The following OSBPL1A variants were observed in gnomAD, a reference collection of about 807,000 sequenced individuals.
OSBPL1A encodes oxysterol binding protein like 1A.
OSBPL1A carries 80 observed loss-of-function variants against 137.1 expected under a neutral mutation model. The observed-to-expected ratio is 0.58, with a 90% CI of 0.49 to 0.70. OSBPL1A has a LOEUF of 0.70. Among genes scored for constraint, OSBPL1A ranks in the 30% least tolerant of loss-of-function variants. OSBPL1A has a pLI of 0.00. For synonymous variants in OSBPL1A, 365 were observed against 389.7 expected (o/e 0.94, Z 0.75); for missense variants, 970 against 1,129.4 (o/e 0.86, Z 2.02).
At chr18:24,230,308 CA>C (rs1055998724) in intron 16 of OSBPL1A, among the ~76,000 whole-genome samples, 1 of 151,796 alleles carries the variant, frequency 6.6e-6, no homozygotes, top group African/African-American at 2.4e-5. Flanking sequence ...TTTGGGATGA[CA>C]AAAAAGTTCT....
chr18:24,354,300 C>T (rs1453104161), intron 4 of OSBPL1A, among the ~76,000 whole-genome samples: 2 of 152,124 alleles, frequency 1.3e-5, no homozygotes, highest in African/African-American at 2.4e-5. Context: ...TACTCCTACC[C>T]CAAGACTAGC....
intron 24 of OSBPL1A, 132 bp from the exon 25 acceptor site, chr18:24,167,577 T>C (rs1567913457): frequency 5.4e-6 from 4 of 735,248 alleles, no homozygotes; most frequent in African/African-American, 3.5e-5. Context: ...TAGCGGAGCA[T>C]GTATAGAAAT....
intron 14 of OSBPL1A, among the ~76,000 whole-genome samples, chr18:24,285,525 C>T (rs1040547690): frequency 6.6e-6 from 1 of 152,056 alleles, no homozygotes; most frequent in Non-Finnish European, 1.5e-5. Flanking sequence ...TATATTTTGC[C>T]TGTTTTTCAA....
intron 14 of OSBPL1A, among the ~76,000 whole-genome samples, chr18:24,283,176 A>C (rs2089994227): frequency 6.7e-6 from 1 of 149,716 alleles, no homozygotes; most frequent in African/African-American, 2.5e-5. Context: ...GAGGCAGGAG[A>C]ATCACTTCAA....
At chr18:24,207,146 C>T (rs1393397592) in intron 17 of OSBPL1A, among the ~76,000 whole-genome samples, 1 of 152,162 alleles carries the variant, frequency 6.6e-6, no homozygotes, top group Non-Finnish European at 1.5e-5. Context: ...TGCAGCGGTG[C>T]GATCTTGGCT....
At chr18:24,295,959 T>C (rs1253522522) in intron 14 of OSBPL1A, among the ~76,000 whole-genome samples, 1 of 152,188 alleles carries the variant, frequency 6.6e-6, no homozygotes, top group Non-Finnish European at 1.5e-5. Context: ...GATTTGTTCT[T>C]TTTTCTTAGT....
chr18:24,390,419 G>A (rs1405398960), intron 1 of OSBPL1A, among the ~76,000 whole-genome samples: 2 of 152,170 alleles, frequency 1.3e-5, no homozygotes, highest in African/African-American at 2.4e-5. Context: ...AAGGATGGGC[G>A]TGGTGGCTCA....
chr18:24,239,243 T>G lies in OSBPL1A; in HGVS notation c.1421A>C (p.Asp474Ala). Residue 474 changes from aspartate (D) to alanine (A), a missense_variant, in exon 16 of 28, where the codon GAC (aspartate) becomes GCC (alanine). Coordinates refer to ENST00000319481, the MANE Select transcript of OSBPL1A (RefSeq NM_080597.4). ...ACCTGACAGCGCATCATAGAACTCG[T>G]CCTCGCTAAGGATGCTGGCGGGTGG... is the stretch of plus-strand genomic sequence containing the variant. ...GSPPASILSEDEFYDALSDSE... is the reference protein window; with the variant it reads ...GSPPASILSEAEFYDALSDSE... 6.2e-7 allele frequency: 1 copy of G among 1,613,980 alleles called. No individual in the cohort carries two copies. The highest frequency in any genetic ancestry group is 2.2e-5 in the East Asian group (1 of 44,876).
At chr18:24,338,029 T>C (rs1258684976) in intron 5 of OSBPL1A, among the ~76,000 whole-genome samples, 3 of 151,868 alleles carry the variant, frequency 2.0e-5, no homozygotes, top group African/African-American at 7.2e-5. Context: ...AAATGTTTAC[T>C]GCAGTATTCT....
At chr18:24,220,353 C>T (rs1599514412) in intron 17 of OSBPL1A, among the ~76,000 whole-genome samples, 1 of 152,224 alleles carries the variant, frequency 6.6e-6, no homozygotes, top group Non-Finnish European at 1.5e-5. Context: ...TTGTGTCCAG[C>T]TTGTGAAAGA....
At chr18:24,355,309 G>A (rs552960762) in intron 4 of OSBPL1A, among the ~76,000 whole-genome samples, 21 of 150,826 alleles carry the variant, frequency 1.4e-4, no homozygotes, top group East Asian at 5.9e-4. Context: ...CTAGACCACC[G>A]TGACCAACAT....
At chr18:24,262,791 C>A (rs1190188522) in intron 15 of OSBPL1A, among the ~76,000 whole-genome samples, 2 of 134,050 alleles carry the variant, frequency 1.5e-5, no homozygotes, top group Non-Finnish European at 3.1e-5. Context: ...CTTCTCTCCA[C>A]CCCCTACCCA....
chr18:24,239,145 C>A (rs1567967625), intron 16 of OSBPL1A, 75 bp downstream of exon 16: 6 of 1,548,178 alleles, frequency 3.9e-6, no homozygotes, highest in Non-Finnish European at 5.2e-6. Context: ...AGGTGGTGGA[C>A]TCAAGGGGAC....
At chr18:24,392,513 T>C (rs978091845) in intron 1 of OSBPL1A, among the ~76,000 whole-genome samples, 3 of 152,192 alleles carry the variant, frequency 2.0e-5, no homozygotes, top group South Asian at 2.1e-4. Context: ...AAAATATATG[T>C]TGCGATTAGT....
chr18:24,338,067 TTC>T (rs1297760310), intron 5 of OSBPL1A, among the ~76,000 whole-genome samples: 1 of 140,834 alleles, frequency 7.1e-6, no homozygotes, highest in Non-Finnish European at 1.5e-5. Flanking sequence ...TTAGAAATTT[TTC>T]TTTTTCTTTC....
intron 20 of OSBPL1A, 46 bp from the exon 21 acceptor site, chr18:24,178,241 T>G: frequency 7.0e-7 from 1 of 1,427,838 alleles, no homozygotes; most frequent in Non-Finnish European, 9.4e-7. Context: ...AGCAACATTA[T>G]AATTAACTCT....
At chr18:24,376,581 A>G (rs900782140) in intron 2 of OSBPL1A, among the ~76,000 whole-genome samples, 1 of 151,974 alleles carries the variant, frequency 6.6e-6, no homozygotes, top group African/African-American at 2.4e-5. Flanking sequence ...ATGCGCCCGC[A>G]CTCCTCAGCC....
intron 2 of OSBPL1A, among the ~76,000 whole-genome samples, chr18:24,374,402 A>C (rs1722108308): frequency 6.6e-6 from 1 of 152,190 alleles, no homozygotes; most frequent in South Asian, 2.1e-4. Context: ...GAAGAAAAAA[A>C]GACAAAAGCT....
chr18:24,195,113 A>G (rs940596927), intron 18 of OSBPL1A, among the ~76,000 whole-genome samples: 2 of 152,080 alleles, frequency 1.3e-5, no homozygotes, highest in Admixed American at 6.5e-5. Context: ...AGCCTGGGAA[A>G]CATAGCAACA....
Sources: gnomAD v4.1 joint callset for allele counts (sites outside exome capture counted in the v4.1 genomes callset) on GRCh38, gnomAD v4.1.1 for gene constraint, MANE v1.5 for transcripts, NCBI Gene and HGNC (gene_info 2026-07-23, HGNC 2026-07-21) for gene names.